Variants in CEP57L1 observed in about 807,000 individuals in gnomAD.
CEP57L1 encodes the protein centrosomal protein CEP57L1.
In CEP57L1, 37 loss-of-function variants were observed where a neutral mutation model predicts 61.0. The observed-to-expected ratio is 0.61, with a 90% confidence interval of 0.47 to 0.80. CEP57L1 has a LOEUF of 0.80. Among genes scored for constraint, CEP57L1 ranks in the 30% least tolerant of loss-of-function variants. The probability of loss-of-function intolerance (pLI) is 0.00; values close to 1 mark genes in which losing one functional copy is unlikely to be tolerated. For synonymous variants in CEP57L1, 137 were observed against 162.3 expected (o/e 0.84, Z 1.19); for missense variants, 422 against 524.7 (o/e 0.80, Z 1.91).
At chr6:109,101,109 G>GA (rs905435004) in intron 1 of CEP57L1, among the ~76,000 whole-genome samples, 28 of 151,840 alleles carry the variant, frequency 1.8e-4, no homozygotes, top group Non-Finnish European at 2.6e-4. Context: ...TCTGTCTTAG[G>GA]AAAAAAACAA....
chr6:109,140,401 T>G (rs1771223040), intron 1 of CEP57L1: 1 of 44,140 alleles, frequency 2.3e-5, no homozygotes, highest in Non-Finnish European at 6.0e-5. Flanking sequence ...GTTGTATTAA[T>G]TTTTTTTTTT....
At chr6:109,099,195 A>C (rs886576488) in intron 1 of CEP57L1, among the ~76,000 whole-genome samples, 7 of 152,172 alleles carry the variant, frequency 4.6e-5, no homozygotes, top group African/African-American at 7.2e-5. Flanking sequence ...CAATAGATAT[A>C]ATTTTGGATT....
intron 1 of CEP57L1, among the ~76,000 whole-genome samples, chr6:109,134,658 A>G (rs1774612958): frequency 6.6e-6 from 1 of 152,212 alleles, no homozygotes; most frequent in Non-Finnish European, 1.5e-5. Flanking sequence ...GTATATGTAG[A>G]CAACCCCATC....
Position 109,173,594 on chromosome 6 carries a change from A to T in CEP57L1, c.*10624A>T, listed in dbSNP as rs1325631968. On this transcript the variant is annotated 3_prime_UTR_variant, in exon 11 of 11. Transcript: ENST00000517392. Reference sequence around the variant, plus strand: ...TGCATGCCACCACACCTGGCTAATTAAAAAAAAAAAAAAATTTTTTTTTTT... The same window carrying T: ...TGCATGCCACCACACCTGGCTAATTTAAAAAAAAAAAAAATTTTTTTTTTT... Among the ~76,000 whole-genome samples the T allele has an allele frequency of 9.1e-6, 1 of 109,834 alleles. No individual in the cohort carries two copies. The highest frequency in any genetic ancestry group is 1.9e-5 in the Non-Finnish European group (1 of 51,870). 72.1% of individuals were successfully genotyped at this position (109,834 alleles called of 152,430 possible). A position where few individuals can be genotyped will look rare whatever the true frequency, so the allele number is the denominator to read the frequency against.
At chr6:109,116,285 C>T (rs1315735928) in intron 1 of CEP57L1, among the ~76,000 whole-genome samples, 2 of 152,050 alleles carry the variant, frequency 1.3e-5, no homozygotes, top group African/African-American at 2.4e-5. Flanking sequence ...TCAAGTGATT[C>T]TCCTGCCTCA....
chr6:109,123,245 G>C (rs1407883972), intron 1 of CEP57L1, among the ~76,000 whole-genome samples: 1 of 151,892 alleles, frequency 6.6e-6, no homozygotes, highest in African/African-American at 2.4e-5. Flanking sequence ...TACTGACTGA[G>C]CTAGCTGGGG....
chr6:109,107,691 A>G (rs1266675449), intron 1 of CEP57L1, among the ~76,000 whole-genome samples: 1 of 152,204 alleles, frequency 6.6e-6, no homozygotes, highest in African/African-American at 2.4e-5. Flanking sequence ...CTGTAATCCC[A>G]GCACTTTGGG....
chr6:109,139,767 C>T (rs1049626801), intron 1 of CEP57L1, among the ~76,000 whole-genome samples: 1 of 152,016 alleles, frequency 6.6e-6, no homozygotes, highest in Admixed American at 6.6e-5. Flanking sequence ...GGATTACAGA[C>T]GTGAGCCACC....
intron 1 of CEP57L1, among the ~76,000 whole-genome samples, chr6:109,131,858 C>T (rs953488172): frequency 4.6e-5 from 7 of 151,994 alleles, no homozygotes; most frequent in African/African-American, 1.5e-4. Context: ...AAGAAGTAGT[C>T]CTGCTTGCAT....
At chr6:109,110,066 C>G (rs890550214) in intron 1 of CEP57L1, among the ~76,000 whole-genome samples, 1 of 152,024 alleles carries the variant, frequency 6.6e-6, no homozygotes, top group Non-Finnish European at 1.5e-5. Context: ...GTAATGGGAT[C>G]ACTGGGTCAA....
intron 3 of CEP57L1, among the ~76,000 whole-genome samples, chr6:109,149,052 T>C (rs1217676677): frequency 9.2e-5 from 14 of 152,338 alleles, no homozygotes; most frequent in South Asian, 2.1e-4. Flanking sequence ...GCAAAAATTT[T>C]CTCCCATTCT....
intron 1 of CEP57L1, among the ~76,000 whole-genome samples, chr6:109,103,774 G>A (rs747038921): frequency 2.0e-4 from 30 of 151,960 alleles, no homozygotes; most frequent in Non-Finnish European, 3.4e-4. Context: ...ATTTGTGAGC[G>A]AGCTCTAGCA....
Position 109,124,271 on chromosome 6 carries a change from G to A in CEP57L1, c.-3-20948G>A, listed in dbSNP as rs537994222. On this transcript the variant is annotated intron_variant, in intron 1 of 10. Transcript: ENST00000517392. ...CCTACAGGATAAAATCTAAACACCTGTACCTGGCATGCGAGACTCCTCAGA... is the reference window on the plus strand; with the variant it reads ...CCTACAGGATAAAATCTAAACACCTATACCTGGCATGCGAGACTCCTCAGA... 5.3e-5 allele frequency among the ~76,000 whole-genome samples: 8 copies of A among 152,246 alleles called. No homozygotes were observed. The South Asian group carries it at 1.2e-3, about 24-fold the overall frequency.
rs1261727177 is a variant in CEP57L1 at position 109,155,279 on chromosome 6, G to A, written c.629G>A (p.Arg210His). Residue 210 changes from arginine to histidine, a missense_variant, in exon 6 of 11, where the codon CGT becomes CAT. Transcript: ENST00000517392. The part of the protein sequence containing the change: ...EEKLKEEEHQ[R>H]KLFQDKASEL... ...AAACTTAAGGAAGAAGAACATCAGC[G>A]TAAGCTATTTCAAGACAAAGCTTCT... is the stretch of plus-strand genomic sequence containing the variant. 21 of 1,593,964 alleles carry A rather than the reference G, an allele frequency of 1.3e-5. No individual in the cohort carries two copies. Among genetic ancestry groups the A allele is most frequent in the East Asian group, 4.5e-5 (2 of 44,122 alleles).
intron 7 of CEP57L1, 69 bp from the exon 8 acceptor site, chr6:109,158,956 G>A (rs773671825): frequency 2.7e-6 from 4 of 1,473,264 alleles, no homozygotes; most frequent in Non-Finnish European, 3.7e-6. Context: ...TGAGTTTTGA[G>A]AGTTCTTCAT....
At chr6:109,146,097 G>C (rs1771932391) in intron 2 of CEP57L1, among the ~76,000 whole-genome samples, 1 of 151,768 alleles carries the variant, frequency 6.6e-6, no homozygotes, top group Non-Finnish European at 1.5e-5. Context: ...AAAACAAAAT[G>C]GTAATCTCTA....
chr6:109,126,703 A>G (rs1319380433), intron 1 of CEP57L1, among the ~76,000 whole-genome samples: 3 of 152,222 alleles, frequency 2.0e-5, no homozygotes, highest in Non-Finnish European at 2.9e-5. Flanking sequence ...TCTAATTATT[A>G]GTATGTTCAT....
At chr6:109,130,865 A>G (rs1295021087) in intron 1 of CEP57L1, 1 of 151,792 alleles carries the variant, frequency 6.6e-6, no homozygotes, top group Non-Finnish European at 1.5e-5. Context: ...ATCCTATCAG[A>G]GTGTTGTTTG....
rs1297269050 is a variant in CEP57L1 at position 109,146,752 on chromosome 6, C to T, written c.161-6C>T. The T allele has an allele frequency of 3.3e-6, 5 of 1,533,694 alleles. No homozygotes were observed. The South Asian group carries it at 6.3e-5, about 19-fold the overall frequency. ...TTAAAATATCAACAAAATTTTTTTT[C>T]AACAGCTCTTATTTTAGCCTTAAAA... On this transcript the variant is annotated splice_region_variant and splice_polypyrimidine_tract_variant and intron_variant, in intron 2 of 10. Coordinates refer to ENST00000517392, the MANE Select transcript of CEP57L1 (RefSeq NM_001271852.3).
Sources: gnomAD v4.1 joint callset for allele counts (sites outside exome capture counted in the v4.1 genomes callset) on GRCh38, gnomAD v4.1.1 for gene constraint, MANE v1.5 for transcripts, NCBI Gene and HGNC (gene_info 2026-07-23, HGNC 2026-07-21) for gene names.